NTRK3: variants seen among roughly 807,000 people sequenced by gnomAD.
The protein encoded by NTRK3 is neurotrophic receptor tyrosine kinase 3.
NTRK3 carries 24 observed loss-of-function variants against 91.7 expected under a neutral mutation model. The observed-to-expected ratio is 0.26, with a 90% CI of 0.19 to 0.37. The LOEUF (loss-of-function observed/expected upper bound fraction) is 0.37, where lower values mean the gene tolerates loss of function less well. Among genes scored for constraint, NTRK3 ranks in the 10% least tolerant of loss-of-function variants. NTRK3 has a pLI of 1.00. For synonymous variants in NTRK3, 483 were observed against 404.0 expected, an observed-to-expected ratio of 1.20 and a Z score of -2.34; for missense variants, 880 against 1,068.9, an observed-to-expected ratio of 0.82 and a Z score of 2.46.
rs577484720 is a variant in NTRK3 at position 88,078,987 on chromosome 15, G to A, written c.1397-45942C>T. 3.3e-5 allele frequency among the ~76,000 whole-genome samples: 5 copies of A among 152,348 alleles called. No individual in the cohort carries two copies. The South Asian group carries it at 6.2e-4, about 19-fold the overall frequency. On this transcript the variant is annotated intron_variant, in intron 13 of 18. Transcript: ENST00000394480. Reference sequence around the variant, plus strand: ...GAAGGACTGGAGGGAGCCTCACAGTGTGTTCTCAAAGGACCCCTCTGGCTG... The same window carrying A: ...GAAGGACTGGAGGGAGCCTCACAGTATGTTCTCAAAGGACCCCTCTGGCTG...
intron 13 of NTRK3, among the ~76,000 whole-genome samples, chr15:88,096,133 G>A (rs1017145326): frequency 1.3e-5 from 2 of 152,134 alleles, no homozygotes; most frequent in Admixed American, 1.3e-4. Context: ...AACAGAGGGA[G>A]GGAACACAGG....
intron 17 of NTRK3, among the ~76,000 whole-genome samples, chr15:87,882,587 A>C (rs1461027771): frequency 6.6e-6 from 1 of 152,158 alleles, no homozygotes; most frequent in Non-Finnish European, 1.5e-5. Context: ...ACTTATCTGG[A>C]ATGAAACTTT....
chr15:87,886,487 C>A (rs2065542144), intron 17 of NTRK3, among the ~76,000 whole-genome samples: 1 of 150,518 alleles, frequency 6.6e-6, no homozygotes, highest in African/African-American at 2.5e-5. Context: ...TAAGTGACAA[C>A]ACAAGGCATT....
At chr15:87,904,481 T>C (rs1001620529) in intron 17 of NTRK3, among the ~76,000 whole-genome samples, 2 of 152,142 alleles carry the variant, frequency 1.3e-5, no homozygotes, top group African/African-American at 4.8e-5. Flanking sequence ...ATATGGGCCT[T>C]TGGGATCTCT....
chr15:88,085,927 C>T (rs2150704032), intron 13 of NTRK3, among the ~76,000 whole-genome samples: 1 of 152,250 alleles, frequency 6.6e-6, no homozygotes, highest in South Asian at 2.1e-4. Flanking sequence ...GAGAAGCAGA[C>T]ACATAAAGAG....
intron 17 of NTRK3, among the ~76,000 whole-genome samples, chr15:87,882,201 A>G (rs910330388): frequency 1.3e-5 from 2 of 152,154 alleles, no homozygotes; most frequent in African/African-American, 4.8e-5. Flanking sequence ...TAGCCAGAAA[A>G]GTTATTTTCA....
Position 88,241,817 on chromosome 15 carries a change from C to T in NTRK3, c.248+14089G>A, listed in dbSNP as rs192814045. ...GGCCCCGGGAATGGACGGAATCTGC[C>T]GTGCACTCTCAGCAAAGCTTGGCCC... On this transcript the variant is annotated intron_variant, in intron 3 of 18. Transcript: ENST00000394480. The surrounding 1 kb of genome is among the most constrained non-coding windows in gnomAD (Gnocchi z 4.3). Among the ~76,000 whole-genome samples, 3 of 152,324 alleles carry T rather than the reference C, an allele frequency of 2.0e-5. No homozygotes were observed. The highest frequency in any genetic ancestry group is 6.5e-5 in the Admixed American group (1 of 15,308).
At chr15:88,228,673 A>G (rs1225929194) in intron 3 of NTRK3, among the ~76,000 whole-genome samples, 1 of 152,134 alleles carries the variant, frequency 6.6e-6, no homozygotes, top group Non-Finnish European at 1.5e-5. Context: ...ATAGTTGTCT[A>G]TTGGGGTCAT....
intron 10 of NTRK3, among the ~76,000 whole-genome samples, chr15:88,130,463 T>C (rs1033028766): frequency 6.6e-6 from 1 of 152,128 alleles, no homozygotes; most frequent in Non-Finnish European, 1.5e-5. Context: ...TACTGATTTC[T>C]TACAAAGGGG....
chr15:88,097,907 C>A (rs561528373), intron 13 of NTRK3, among the ~76,000 whole-genome samples: 20 of 152,146 alleles, frequency 1.3e-4, no homozygotes, highest in Non-Finnish European at 2.6e-4. Flanking sequence ...CTCTATTTCC[C>A]AAGTTAGTTT....
chr15:88,085,032 T>G (rs2150693568), intron 13 of NTRK3, among the ~76,000 whole-genome samples: 1 of 152,334 alleles, frequency 6.6e-6, no homozygotes, highest in Admixed American at 6.5e-5. Flanking sequence ...GCATGAATTC[T>G]TAGGTTAACC....
intron 5 of NTRK3, among the ~76,000 whole-genome samples, chr15:88,181,682 G>C (rs1597805503): frequency 1.3e-5 from 2 of 152,224 alleles, no homozygotes; most frequent in East Asian, 3.9e-4. Flanking sequence ...GGCCCATGGA[G>C]TTGAAAGGTC....
At chr15:88,254,334 G>A (rs1481683096) in intron 3 of NTRK3, among the ~76,000 whole-genome samples, 1 of 152,136 alleles carries the variant, frequency 6.6e-6, no homozygotes, top group Non-Finnish European at 1.5e-5. Flanking sequence ...CAGTGGGGGA[G>A]AGGCACAGTT....
intron 5 of NTRK3, among the ~76,000 whole-genome samples, chr15:88,178,756 G>A (rs935386277): frequency 8.5e-5 from 13 of 152,358 alleles, no homozygotes; most frequent in African/African-American, 2.9e-4. Context: ...AGGTTGTAAT[G>A]TAACTGTCAT....
chr15:88,125,886 C>CAAAAACAAG (rs1555513626), intron 13 of NTRK3, among the ~76,000 whole-genome samples: 2 of 152,224 alleles, frequency 1.3e-5, no homozygotes, highest in Non-Finnish European at 2.9e-5. Flanking sequence ...AACACAACTT[C>CAAAAACAAG]AAAAACAAGA....
At chr15:88,179,364 T>C (rs2046267343) in intron 5 of NTRK3, among the ~76,000 whole-genome samples, 1 of 152,230 alleles carries the variant, frequency 6.6e-6, no homozygotes, top group Admixed American at 6.5e-5. Flanking sequence ...TTAGGTACAG[T>C]TCTACTTCTG....
intron 18 of NTRK3, among the ~76,000 whole-genome samples, chr15:87,877,732 C>T (rs2141445172): frequency 6.6e-6 from 1 of 152,176 alleles, no homozygotes; most frequent in East Asian, 1.9e-4. Flanking sequence ...CTCTTAAAGT[C>T]CTTAACAATA....
At chr15:88,164,548 G>A (rs1043842283) in intron 5 of NTRK3, among the ~76,000 whole-genome samples, 33 of 152,208 alleles carry the variant, frequency 2.2e-4, no homozygotes, top group Admixed American at 1.9e-3. Flanking sequence ...AGCCCATGTT[G>A]TTTTGTTCCC....
At chr15:88,230,556 G>T (rs2051093773) in intron 3 of NTRK3, among the ~76,000 whole-genome samples, 1 of 152,140 alleles carries the variant, frequency 6.6e-6, no homozygotes, top group African/African-American at 2.4e-5. Flanking sequence ...ATTTTGAAAA[G>T]CCATCAATTT....
Sources: allele counts gnomAD v4.1 joint callset (sites outside exome capture counted in the v4.1 genomes callset), GRCh38; gene constraint gnomAD v4.1.1; non-coding constraint Gnocchi (gnomAD v3.1); transcripts MANE v1.5; gene names NCBI Gene and HGNC (gene_info 2026-07-23, HGNC 2026-07-21).